Variants in ICE1 observed in about 807,000 individuals in gnomAD.
ICE1 encodes interactor of little elongation complex ELL subunit 1.
Under a neutral mutation model 192.7 loss-of-function variants are expected in ICE1, and 64 were observed. The ratio of observed to expected loss-of-function variants is 0.33; its 90% CI spans 0.27 to 0.41. ICE1 has a LOEUF of 0.41. ICE1 is among the 10% of genes least tolerant of loss of function. The pLI, the probability that ICE1 is intolerant of heterozygous loss-of-function variation, is 1.00. For synonymous variants in ICE1, 1,010 were observed against 984.5 expected (o/e 1.03, Z -0.49); for missense variants, 2,708 against 2,696.0 (o/e 1.00, Z -0.10).
intron 12 of ICE1, among the ~76,000 whole-genome samples, chr5:5,458,462 A>G (rs1432202289): frequency 1.4e-5 from 2 of 139,616 alleles, no homozygotes; most frequent in Non-Finnish European, 3.0e-5. Context: ...GGTGGAAAAC[A>G]CGCTGCTTGG....
rs182707283 is a variant in ICE1 at position 5,459,132 on chromosome 5, C to T, written c.1102-1304C>T. 5.2e-3 allele frequency among the ~76,000 whole-genome samples: 788 copies of T among 152,260 alleles called. 5 individuals carry two copies. Among genetic ancestry groups the T allele is most frequent in the African/African-American group, 0.018 (745 of 41,536 alleles). On this transcript the variant is annotated intron_variant, in intron 12 of 18. Coordinates refer to ENST00000296564, the MANE Select transcript of ICE1 (RefSeq NM_015325.3). ...TCGTGATCTGCCTGCCTCGGCCTCCCAAAGTGCTAGGATTACAGGCGTGAG... is the reference window on the plus strand; with the variant it reads ...TCGTGATCTGCCTGCCTCGGCCTCCTAAAGTGCTAGGATTACAGGCGTGAG...
intron 1 of ICE1, among the ~76,000 whole-genome samples, chr5:5,432,433 T>C (rs1227803019): frequency 2.6e-5 from 4 of 152,246 alleles, no homozygotes; most frequent in Non-Finnish European, 5.9e-5. Flanking sequence ...CATCCTTTGA[T>C]GGACATTTAA....
intron 16 of ICE1, among the ~76,000 whole-genome samples, chr5:5,474,982 A>G (rs149930554): frequency 3.7e-4 from 57 of 152,330 alleles, no homozygotes; most frequent in African/African-American, 1.3e-3. Context: ...ATGGAAAAGT[A>G]TTTCCCAGTC....
intron 17 of ICE1, among the ~76,000 whole-genome samples, chr5:5,486,420 C>G (rs908083856): frequency 6.6e-6 from 1 of 151,018 alleles, no homozygotes; most frequent in Non-Finnish European, 1.5e-5. Flanking sequence ...TAGCAGTTGC[C>G]AAAGTGTCAG....
At chr5:5,440,733 T>C (rs1215951454) in intron 4 of ICE1, among the ~76,000 whole-genome samples, 1 of 152,018 alleles carries the variant, frequency 6.6e-6, no homozygotes, top group African/African-American at 2.4e-5. Flanking sequence ...AAAACTTTTT[T>C]TAAATTAGCC....
At chr5:5,451,809 T>A (rs954960985) in intron 10 of ICE1, among the ~76,000 whole-genome samples, 1 of 152,180 alleles carries the variant, frequency 6.6e-6, no homozygotes, top group Non-Finnish European at 1.5e-5. Context: ...TAAGGAATGT[T>A]TCCATTTTAT....
At chr5:5,425,916 C>A (rs1353279764) in intron 1 of ICE1, among the ~76,000 whole-genome samples, 1 of 152,132 alleles carries the variant, frequency 6.6e-6, no homozygotes, top group African/African-American at 2.4e-5. Context: ...ATGGGCAGGT[C>A]TCATGTCAGG....
At position 5,454,649 on chromosome 5, in the gene ICE1, A is replaced by G. The variant is rs759972901; in HGVS notation, c.691+11A>G. On this transcript the variant is annotated intron_variant, in intron 11 of 18. Coordinates refer to ENST00000296564, the MANE Select transcript of ICE1 (RefSeq NM_015325.3). ...GCAGGTGTGTCCCAGGTGAGAGAGA[A>G]GCTTACAGAAACCGATTTCATATGT... 1.9e-6 allele frequency: 3 copies of G among 1,609,366 alleles called. No homozygotes were observed. Among genetic ancestry groups the G allele is most frequent in the Non-Finnish European group, 2.6e-6 (3 of 1,176,284 alleles).
In ICE1 at chr5:5,464,187, C is replaced by G; in HGVS notation, c.4853C>G (p.Pro1618Arg). 1 of 1,613,720 alleles carries G rather than the reference C, an allele frequency of 6.2e-7. No individual in the cohort carries two copies. The highest frequency in any genetic ancestry group is 1.3e-5 in the African/African-American group (1 of 74,984). ...ACATCCACTCCTACAGATTGTTCTCCTGACACACTGAGTAAAATACGGCAA... is the reference window on the plus strand; with the variant it reads ...ACATCCACTCCTACAGATTGTTCTCGTGACACACTGAGTAAAATACGGCAA... ...ADTSTPTDCS[P>R]DTLSKIRQEV... is the part of the protein sequence containing the mutation. Residue 1618 changes from proline (P) to arginine (R), a missense_variant, in exon 13 of 19, where the codon CCT (proline) becomes CGT (arginine). Pro to Arg is a moderately radical substitution (Grantham distance 103). This residue lies in a region of ICE1 where 2,366 missense variants were observed against 2,276.6 expected (regional missense o/e 1.04). Coordinates refer to ENST00000296564, the MANE Select transcript of ICE1 (RefSeq NM_015325.3). The surrounding 1 kb of genome is among the most constrained non-coding windows in gnomAD (Gnocchi z 4.0).
chr5:5,484,880 G>C (rs1327234035), intron 17 of ICE1, among the ~76,000 whole-genome samples: 2 of 152,178 alleles, frequency 1.3e-5, no homozygotes, highest in African/African-American at 2.4e-5. Flanking sequence ...TGATACTGTT[G>C]TAAAAGCACA....
At chr5:5,429,168 A>G (rs2111330922) in intron 1 of ICE1, among the ~76,000 whole-genome samples, 1 of 152,160 alleles carries the variant, frequency 6.6e-6, no homozygotes, top group Admixed American at 6.5e-5. Context: ...TCTGCCGGGG[A>G]ATCTCATTAG....
chr5:5,478,022 T>G (rs1456206163), intron 17 of ICE1, among the ~76,000 whole-genome samples: 1 of 152,244 alleles, frequency 6.6e-6, no homozygotes, highest in Non-Finnish European at 1.5e-5. Context: ...AGTATCATAC[T>G]GAATGGGCAA....
chr5:5,455,338 G>T (rs1223402088), intron 11 of ICE1, among the ~76,000 whole-genome samples: 2 of 152,042 alleles, frequency 1.3e-5, no homozygotes, highest in Non-Finnish European at 2.9e-5. Flanking sequence ...TATTTGATGG[G>T]GTTTCTTTAA....
At chr5:5,471,794 T>C (rs1216680118) in intron 15 of ICE1, among the ~76,000 whole-genome samples, 1 of 152,140 alleles carries the variant, frequency 6.6e-6, no homozygotes, top group Non-Finnish European at 1.5e-5. Context: ...TTTAAAATCA[T>C]GAGTTAGGGA....
chr5:5,446,381 GCCTCCCAGACTCAGGTGATTATTCCA>G (rs1249375087), intron 7 of ICE1, among the ~76,000 whole-genome samples: 4 of 152,060 alleles, frequency 2.6e-5, no homozygotes, highest in Non-Finnish European at 4.4e-5. Context: ...TGCAGCCTCA[GCCTCCCAGACTCAGGTGATTATTCCA>G]CCTCCTGAGT....
intron 1 of ICE1, among the ~76,000 whole-genome samples, chr5:5,435,678 G>GTTTTTTTTTT (rs796599483): frequency 1.7e-5 from 2 of 116,728 alleles, no homozygotes; most frequent in African/African-American, 6.3e-5. Flanking sequence ...TTTTTGTTTT[G>GTTTTTTTTTT]TTTTTGTTTT....
chr5:5,430,001 A>G (rs1439592920), intron 1 of ICE1, among the ~76,000 whole-genome samples: 1 of 152,208 alleles, frequency 6.6e-6, no homozygotes, highest in Non-Finnish European at 1.5e-5. Context: ...AGAGGAGAGA[A>G]TTGAAAATAA....
chr5:5,440,690 C>T (rs900344602), intron 4 of ICE1, among the ~76,000 whole-genome samples: 2 of 151,862 alleles, frequency 1.3e-5, no homozygotes, highest in Non-Finnish European at 2.9e-5. Context: ...GCTGTGGTGG[C>T]ACTCAAATAG....
At chr5:5,435,395 A>AC (rs1245581290) in intron 1 of ICE1, among the ~76,000 whole-genome samples, 3 of 152,228 alleles carry the variant, frequency 2.0e-5, no homozygotes, top group Non-Finnish European at 4.4e-5. Flanking sequence ...CTATTGGGAT[A>AC]ATCAGTGAAA....
Sources: gnomAD v4.1 joint callset for allele counts (sites outside exome capture counted in the v4.1 genomes callset) on GRCh38, gnomAD v4.1.1 for gene constraint, gnomAD v4.1.1 regional missense constraint, Gnocchi (gnomAD v3.1) non-coding constraint, MANE v1.5 for transcripts, NCBI Gene and HGNC (gene_info 2026-07-23, HGNC 2026-07-21) for gene names.